The following PCDH15 variants were observed in gnomAD, a reference collection of about 807,000 sequenced individuals.
The protein encoded by PCDH15 is protocadherin-15.
PCDH15 carries 129 observed loss-of-function variants against 178.5 expected under a neutral mutation model. That is an observed-to-expected ratio of 0.72 (90% CI 0.63 to 0.84). The LOEUF is 0.84. PCDH15 is among the 40% of genes least tolerant of loss of function. PCDH15 has a pLI of 0.00. For missense variants in PCDH15, 2,230 were observed against 2,099.9 expected (o/e 1.06, Z -1.21); for synonymous variants, 800 against 732.0 (o/e 1.09, Z -1.50).
At chr10:54,938,772 C>G (rs1837976474) in intron 2 of PCDH15, among the ~76,000 whole-genome samples, 1 of 152,134 alleles carries the variant, frequency 6.6e-6, no homozygotes, top group East Asian at 1.9e-4. Context: ...TGATTGCAAT[C>G]TAACCACACG....
At chr10:54,186,210 G>A (rs1288435814) in intron 11 of PCDH15, among the ~76,000 whole-genome samples, 1 of 152,022 alleles carries the variant, frequency 6.6e-6, no homozygotes, top group Non-Finnish European at 1.5e-5. Flanking sequence ...GAGGTAAGGT[G>A]TTGTTCTAGA....
At chr10:54,369,900 T>A (rs1195926128) in intron 4 of PCDH15, among the ~76,000 whole-genome samples, 1 of 152,038 alleles carries the variant, frequency 6.6e-6, no homozygotes, top group African/African-American at 2.4e-5. Context: ...ATAGCATTTT[T>A]TGTATAATAC....
At chr10:54,794,334 T>C (rs759825911) in intron 1 of PCDH15, among the ~76,000 whole-genome samples, 6 of 151,548 alleles carry the variant, frequency 4.0e-5, no homozygotes, top group Non-Finnish European at 7.4e-5. Flanking sequence ...AACCTTATTA[T>C]CTGAAGCTCA....
intron 2 of PCDH15, among the ~76,000 whole-genome samples, chr10:55,052,533 CA>C (rs71014443): frequency 0.98 from 76,708 of 78,016 alleles, 37,700 homozygotes; most frequent in Middle Eastern, 0.99. Flanking sequence ...AACCCCGTCT[CA>C]TACAAAAAAA....
At chr10:54,863,242 T>TA (rs1272263524) in intron 3 of PCDH15, among the ~76,000 whole-genome samples, 1 of 152,150 alleles carries the variant, frequency 6.6e-6, no homozygotes, top group Non-Finnish European at 1.5e-5. Flanking sequence ...ATTTATTCTA[T>TA]AAAAATATAT....
chr10:54,173,994 G>C (rs909065663), intron 13 of PCDH15, among the ~76,000 whole-genome samples: 1 of 152,166 alleles, frequency 6.6e-6, no homozygotes, highest in Non-Finnish European at 1.5e-5. Context: ...TAACAAATAA[G>C]AGAAAGATAA....
chr10:53,881,057 A>C (rs913429750), intron 26 of PCDH15, among the ~76,000 whole-genome samples: 1 of 152,096 alleles, frequency 6.6e-6, no homozygotes, highest in Admixed American at 6.6e-5. Flanking sequence ...ATATATAGTT[A>C]TTTTTATATT....
At chr10:54,300,796 T>G (rs937040993) in intron 8 of PCDH15, among the ~76,000 whole-genome samples, 1 of 152,110 alleles carries the variant, frequency 6.6e-6, no homozygotes, top group African/African-American at 2.4e-5. Context: ...AGCTAAAGGA[T>G]TGTAAATGCA....
In PCDH15 at chr10:55,467,373, C is replaced by CTTTTTTT. The variant is rs59787759; in HGVS notation, c.-156+160245_-156+160251dup. On this transcript the variant is annotated intron_variant, in intron 2 of 5. Transcript: ENST00000613346. Reference sequence around the variant, plus strand: ...AAAGAAAAGCCTGATCTTGGCCTGACTTTTTTTTTTTTTTTTTTTTAACTA... The same window carrying CTTTTTTT: ...AAAGAAAAGCCTGATCTTGGCCTGACTTTTTTTTTTTTTTTTTTTTTTTTTTTAACTA... Among the ~76,000 whole-genome samples, 7 of 87,770 alleles carry CTTTTTTT rather than the reference C, an allele frequency of 8.0e-5. 2 individuals are homozygous for CTTTTTTT. Among genetic ancestry groups the CTTTTTTT allele is most frequent in the African/African-American group, 7.6e-5 (2 of 26,456 alleles). 57.6% of individuals were successfully genotyped at this position (87,770 alleles called of 152,430 possible).
chr10:54,232,926 T>TTTTC (rs1406004648), intron 9 of PCDH15, among the ~76,000 whole-genome samples: 1 of 121,772 alleles, frequency 8.2e-6, no homozygotes, highest in Non-Finnish European at 1.6e-5. Flanking sequence ...CTTTCTTTCT[T>TTTTC]TTTTTTTTTT....
chr10:54,274,786 A>G (rs906180323), intron 8 of PCDH15, among the ~76,000 whole-genome samples: 1 of 151,982 alleles, frequency 6.6e-6, no homozygotes, highest in Admixed American at 6.6e-5. Flanking sequence ...TCAATAATGC[A>G]GAAGCCTTCA....
chr10:55,473,595 C>A (rs1163936265), intron 2 of PCDH15, among the ~76,000 whole-genome samples: 2 of 152,122 alleles, frequency 1.3e-5, no homozygotes, highest in Non-Finnish European at 2.9e-5. Flanking sequence ...ACAGTATTCA[C>A]ATAGAACAGC....
intron 3 of PCDH15, among the ~76,000 whole-genome samples, chr10:54,428,233 C>T (rs1956533148): frequency 6.6e-6 from 1 of 152,136 alleles, no homozygotes; most frequent in Non-Finnish European, 1.5e-5. Flanking sequence ...TTTCGGAGAG[C>T]ATCCATTGAC....
At chr10:54,207,783 T>C (rs2050976104) in intron 10 of PCDH15, among the ~76,000 whole-genome samples, 1 of 152,208 alleles carries the variant, frequency 6.6e-6, no homozygotes, top group South Asian at 2.1e-4. Context: ...TTTCATATTA[T>C]ACCTCTGAGC....
At chr10:53,841,060 CTATT>C (rs2077611140) in intron 28 of PCDH15, among the ~76,000 whole-genome samples, 1 of 152,274 alleles carries the variant, frequency 6.6e-6, no homozygotes, top group East Asian at 1.9e-4. Flanking sequence ...ATCTCAGACA[CTATT>C]TAGGTGAATA....
intron 14 of PCDH15, among the ~76,000 whole-genome samples, chr10:54,140,657 T>C (rs1465286356): frequency 1.3e-5 from 2 of 151,370 alleles, no homozygotes; most frequent in Non-Finnish European, 2.9e-5. Context: ...TTAGTAGAGA[T>C]GGGGCTTCAC....
rs573664800 is a variant in PCDH15 at position 54,266,058 on chromosome 10, A to C, written c.877-29127T>G. ...AAGCAAGTGTCAAGAAATTAAAAAAAATATTAAATAATACCAAGCATCCTC... is the reference window on the plus strand; with the variant it reads ...AAGCAAGTGTCAAGAAATTAAAAAACATATTAAATAATACCAAGCATCCTC... On this transcript the variant is annotated intron_variant, in intron 8 of 37. Coordinates refer to ENST00000644397, the MANE Select transcript of PCDH15 (RefSeq NM_001384140.1). Among the ~76,000 whole-genome samples the C allele has an allele frequency of 4.6e-5, 7 of 152,150 alleles. No homozygotes were observed. In the East Asian group the frequency reaches 9.6e-4, roughly 21 times the overall value.
chr10:54,773,904 ACTGTGTAAGGCCCAATT>A (rs1949379434), intron 1 of PCDH15, among the ~76,000 whole-genome samples: 1 of 151,800 alleles, frequency 6.6e-6, no homozygotes, highest in African/African-American at 2.4e-5. Context: ...CAGCTTCAAA[ACTGTGTAAGGCCCAATT>A]CTTATCTCTG....
chr10:55,305,933 T>C (rs867142847), intron 1 of PCDH15, among the ~76,000 whole-genome samples: 32 of 152,222 alleles, frequency 2.1e-4, no homozygotes, highest in Middle Eastern at 3.2e-3. Context: ...ATTTAATGAA[T>C]AATTTAAATT....
Sources: allele counts gnomAD v4.1 joint callset (sites outside exome capture counted in the v4.1 genomes callset), GRCh38; gene constraint gnomAD v4.1.1; transcripts MANE v1.5; gene names NCBI Gene and HGNC (gene_info 2026-07-23, HGNC 2026-07-21).